BPNT2: variants seen among roughly 807,000 people sequenced by gnomAD.
BPNT2 encodes the protein 3'(2'), 5'-bisphosphate nucleotidase 2.
Under a neutral mutation model 29.3 loss-of-function variants are expected in BPNT2, and 11 were observed. That is an observed-to-expected ratio of 0.38 (90% confidence interval 0.24 to 0.62). The LOEUF (loss-of-function observed/expected upper bound fraction) is 0.62. Among genes scored for constraint, BPNT2 ranks in the 20% least tolerant of loss-of-function variants. The pLI, the probability that BPNT2 is intolerant of heterozygous loss-of-function variation, is 0.62. For synonymous variants in BPNT2, 195 were observed against 187.7 expected, an observed-to-expected ratio of 1.04 and a Z score of -0.32; for missense variants, 459 against 473.4, an observed-to-expected ratio of 0.97 and a Z score of 0.28.
chr8:56,971,430 TC>T (rs991349955), intron 3 of BPNT2, among the ~76,000 whole-genome samples: 1 of 152,134 alleles, frequency 6.6e-6, no homozygotes, highest in Admixed American at 6.5e-5. Flanking sequence ...ACTGTGTGGC[TC>T]CCCTTACATC....
chr8:56,982,542 A>C (rs1161887011), intron 1 of BPNT2, among the ~76,000 whole-genome samples: 1 of 152,222 alleles, frequency 6.6e-6, no homozygotes, highest in African/African-American at 2.4e-5. Context: ...TACAGGTCTT[A>C]AAGATACCAC....
At chr8:56,970,147 C>T (rs1204427235) in intron 3 of BPNT2, among the ~76,000 whole-genome samples, 2 of 152,134 alleles carry the variant, frequency 1.3e-5, no homozygotes, top group Non-Finnish European at 2.9e-5. Context: ...ATGTCAAAAT[C>T]TCTCCAGATT....
At chr8:56,978,915 G>C (rs1270855588) in intron 2 of BPNT2, among the ~76,000 whole-genome samples, 1 of 152,138 alleles carries the variant, frequency 6.6e-6, no homozygotes, top group Non-Finnish European at 1.5e-5. Context: ...AGGAGGAAGA[G>C]AATCAGGAAA....
In BPNT2 at chr8:56,993,349, G is replaced by C. The variant is rs1806450908; in HGVS notation, c.237C>G (p.Asp79Glu). ...TGCTCTCGCGGACGCGCCTCACCTC[G>C]TCGCCGCCGCGGACTGCGGCCAGCA... ...VSVLAAVRGGDEVRRVRESNV... is the reference protein window; with the variant it reads ...VSVLAAVRGGEEVRRVRESNV... Residue 79 changes from aspartate (D) to glutamate (E), a missense_variant, in exon 1 of 5, where the codon GAC becomes GAG. Asp to Glu is a conservative substitution (Grantham distance 45). Coordinates refer to ENST00000262644, the MANE Select transcript of BPNT2 (RefSeq NM_017813.5). 2 of 1,610,732 alleles carry C rather than the reference G, an allele frequency of 1.2e-6. No individual in the cohort carries two copies. Among genetic ancestry groups the C allele is most frequent in the Non-Finnish European group, 1.7e-6 (2 of 1,179,880 alleles).
At chr8:56,970,328 C>A (rs1286981676) in intron 3 of BPNT2, among the ~76,000 whole-genome samples, 3 of 152,070 alleles carry the variant, frequency 2.0e-5, no homozygotes, top group African/African-American at 7.2e-5. Context: ...TAACCTCAAT[C>A]CAATCAAGGA....
Position 56,960,862 on chromosome 8 carries a change from A to T in BPNT2, c.*2931T>A, listed in dbSNP as rs957581556. On this transcript the variant is annotated 3_prime_UTR_variant, in exon 5 of 5. Coordinates refer to ENST00000262644, the MANE Select transcript of BPNT2 (RefSeq NM_017813.5). ...AGGAGTCTTTGTAATCTAATAGTGAACTAGGCCTCCTCCAGGATTGATCTC... is the reference window on the plus strand; with the variant it reads ...AGGAGTCTTTGTAATCTAATAGTGATCTAGGCCTCCTCCAGGATTGATCTC... 6.6e-6 allele frequency: 1 copy of T among 152,210 alleles called. No individual in the cohort carries two copies. The highest frequency in any genetic ancestry group is 1.5e-5 in the Non-Finnish European group (1 of 68,040). The allele number at this position is 152,210 out of a possible 1,614,324, so 9.4% of individuals were successfully genotyped here.
intron 1 of BPNT2, among the ~76,000 whole-genome samples, chr8:56,981,871 G>A (rs933087791): frequency 6.6e-6 from 1 of 152,078 alleles, no homozygotes; most frequent in African/African-American, 2.4e-5. Context: ...TCATGTTTAT[G>A]CTACATGTGA....
chr8:56,961,067 A>C lies in BPNT2; in HGVS notation c.*2726T>G, dbSNP rs886063006. 2.6e-5 allele frequency: 4 copies of C among 152,256 alleles called. No homozygotes were observed. The highest frequency in any genetic ancestry group is 2.0e-4 in the Admixed American group (3 of 15,282). 9.4% of individuals were successfully genotyped at this position (152,256 alleles called of 1,614,324 possible). A position where few individuals can be genotyped will look rare whatever the true frequency, so the allele number is the denominator to read the frequency against. ...TGGTCACAAGGTAGAAGAGATGAAG[A>C]AGGGCAGAGGAGGGGGACAGCTGAT... On this transcript the variant is annotated 3_prime_UTR_variant, in exon 5 of 5. Coordinates refer to ENST00000262644, the MANE Select transcript of BPNT2 (RefSeq NM_017813.5).
At chr8:56,991,351 G>T (rs1220861867) in intron 1 of BPNT2, among the ~76,000 whole-genome samples, 3 of 152,178 alleles carry the variant, frequency 2.0e-5, no homozygotes. Context: ...AATTCCAAAA[G>T]CTTAGCTTTT....
In BPNT2 at chr8:56,977,941, C is replaced by T. The variant is rs906563200; in HGVS notation, c.646+109G>A. ...ATTTGTGTTTTTTTCTTACAGCAGCCCTAGGAAACTAATATAGGAGTGGAT... is the reference window on the plus strand; with the variant it reads ...ATTTGTGTTTTTTTCTTACAGCAGCTCTAGGAAACTAATATAGGAGTGGAT... On this transcript the variant is annotated intron_variant, in intron 3 of 4. Coordinates refer to ENST00000262644, the MANE Select transcript of BPNT2 (RefSeq NM_017813.5). 4 of 780,488 alleles carry T rather than the reference C, an allele frequency of 5.1e-6. No homozygotes were observed. The African/African-American group carries it at 6.8e-5, about 13-fold the overall frequency. The allele number at this position is 780,488 out of a possible 1,614,324, so 48.3% of individuals were successfully genotyped here. A position where few individuals can be genotyped will look rare whatever the true frequency, so the allele number is the denominator to read the frequency against.
chr8:56,966,216 A>G lies in BPNT2; in HGVS notation c.783T>C (p.Thr261=), dbSNP rs746391960. The G allele has an allele frequency of 4.3e-6, 7 of 1,614,076 alleles. No individual in the cohort carries two copies. The African/African-American group carries it at 9.3e-5, about 22-fold the overall frequency. The part of the protein sequence containing the change: ...QVALQTFGNQ[T]TIIPAGGAGY... ...CAGCACCACCAGCTGGGATAATTGT[A>G]GTCTGGTTTCCAAAAGTCTGAAGAG... The change falls in exon 4 of 5, where the codon ACT becomes ACC. Residue 261 remains threonine, a synonymous_variant. Coordinates refer to ENST00000262644, the MANE Select transcript of BPNT2 (RefSeq NM_017813.5).
chr8:56,993,639 G>A lies in BPNT2; in HGVS notation c.-54C>T. 2.9e-6 allele frequency: 3 copies of A among 1,052,184 alleles called. No individual in the cohort carries two copies. Among genetic ancestry groups the A allele is most frequent in the Non-Finnish European group, 2.3e-6 (2 of 852,784 alleles). 65.2% of individuals were successfully genotyped at this position (1,052,184 alleles called of 1,614,324 possible). Reference sequence around the variant, plus strand: ...CGGCTCTCACAGGCCTCCAGCGCCCGCCGCCGCCGCCGCCGCAGCCGCCGC... The same window carrying A: ...CGGCTCTCACAGGCCTCCAGCGCCCACCGCCGCCGCCGCCGCAGCCGCCGC... On this transcript the variant is annotated 5_prime_UTR_variant, in exon 1 of 5. Coordinates refer to ENST00000262644, the MANE Select transcript of BPNT2 (RefSeq NM_017813.5).
intron 3 of BPNT2, among the ~76,000 whole-genome samples, chr8:56,968,946 G>C (rs1805990286): frequency 6.6e-6 from 1 of 152,176 alleles, no homozygotes; most frequent in African/African-American, 2.4e-5. Flanking sequence ...TGACAGGTGA[G>C]CTCTAAATCT....
chr8:56,979,754 CT>C (rs976111366), intron 2 of BPNT2, among the ~76,000 whole-genome samples: 39 of 152,276 alleles, frequency 2.6e-4, no homozygotes, highest in African/African-American at 8.7e-4. Flanking sequence ...TTGTTACTTA[CT>C]TGCCTTCTGG....
At chr8:56,982,372 C>T (rs1381272750) in intron 1 of BPNT2, among the ~76,000 whole-genome samples, 4 of 152,164 alleles carry the variant, frequency 2.6e-5, no homozygotes, top group African/African-American at 4.8e-5. Context: ...CTGCCCGCCT[C>T]GGCCTCCCAA....
chr8:56,979,575 C>T (rs905567693), intron 2 of BPNT2, among the ~76,000 whole-genome samples: 5 of 152,044 alleles, frequency 3.3e-5, no homozygotes, highest in African/African-American at 7.2e-5. Flanking sequence ...ACAGAACTTA[C>T]CATCTATCAG....
chr8:56,963,011 C>CT lies in BPNT2; in HGVS notation c.*781dup, dbSNP rs960366526. 2 of 152,176 alleles carry CT rather than the reference C, an allele frequency of 1.3e-5. No individual in the cohort carries two copies. Among genetic ancestry groups the CT allele is most frequent in the African/African-American group, 4.8e-5 (2 of 41,442 alleles). 9.4% of individuals were successfully genotyped at this position (152,176 alleles called of 1,614,324 possible). On this transcript the variant is annotated 3_prime_UTR_variant, in exon 5 of 5. Transcript: ENST00000262644. ...AAACCGAACCTTACAAAGTTAAAGACTAAGTGTTGGTCAGAAGGAAAAGGA... is the reference window on the plus strand; with the variant it reads ...AAACCGAACCTTACAAAGTTAAAGACTTAAGTGTTGGTCAGAAGGAAAAGGA...
At chr8:56,992,666 G>A (rs949230235) in intron 1 of BPNT2, among the ~76,000 whole-genome samples, 3 of 151,734 alleles carry the variant, frequency 2.0e-5, no homozygotes, top group Non-Finnish European at 4.4e-5. Context: ...AAAAGACAGC[G>A]AAATGAGCAT....
intron 2 of BPNT2, among the ~76,000 whole-genome samples, chr8:56,978,490 T>C (rs1440433659): frequency 1.3e-5 from 2 of 152,144 alleles, no homozygotes; most frequent in African/African-American, 4.8e-5. Flanking sequence ...AGTGTGGCAA[T>C]TCCTCAAAGG....
Sources: gnomAD v4.1 joint callset for allele counts (sites outside exome capture counted in the v4.1 genomes callset) on GRCh38, gnomAD v4.1.1 for gene constraint, MANE v1.5 for transcripts, NCBI Gene and HGNC (gene_info 2026-07-23, HGNC 2026-07-21) for gene names.